FHIT: variants seen among roughly 807,000 people sequenced by gnomAD.
FHIT encodes bis(5'-adenosyl)-triphosphatase.
FHIT carries 19 observed loss-of-function variants against 17.9 expected under a neutral mutation model. That is an observed-to-expected ratio of 1.06 (90% CI 0.74 to 1.56). The LOEUF (loss-of-function observed/expected upper bound fraction) is 1.56, where lower values mean the gene tolerates loss of function less well. Ranked by LOEUF, FHIT falls within the 40% of genes most tolerant of loss-of-function variation. The probability of loss-of-function intolerance (pLI) is 0.00; values close to 1 mark genes in which losing one functional copy is unlikely to be tolerated. For synonymous variants in FHIT, 81 were observed against 69.7 expected, an observed-to-expected ratio of 1.16 and a Z score of -0.81; for missense variants, 248 against 189.2, an observed-to-expected ratio of 1.31 and a Z score of -1.82.
At chr3:59,849,676 G>A (rs1243674760) in intron 8 of FHIT, among the ~76,000 whole-genome samples, 6 of 152,190 alleles carry the variant, frequency 3.9e-5, no homozygotes, top group African/African-American at 9.7e-5. Flanking sequence ...TGTTTAGGAG[G>A]AAGGAGCTAG....
intron 5 of FHIT, among the ~76,000 whole-genome samples, chr3:60,480,200 A>G (rs1182421654): frequency 6.6e-6 from 1 of 152,164 alleles, no homozygotes. Context: ...AGACTTATCA[A>G]ATAACCACAT....
chr3:61,201,913 T>C (rs2039024980), intron 1 of FHIT, among the ~76,000 whole-genome samples: 1 of 152,098 alleles, frequency 6.6e-6, no homozygotes, highest in Non-Finnish European at 1.5e-5. Flanking sequence ...CTAAACAAAA[T>C]ACAATAATGA....
At chr3:60,218,024 G>A (rs921431643) in intron 5 of FHIT, among the ~76,000 whole-genome samples, 2 of 152,000 alleles carry the variant, frequency 1.3e-5, no homozygotes, top group Non-Finnish European at 2.9e-5. Context: ...GTTAATTCTT[G>A]TTTAAAAATG....
intron 5 of FHIT, among the ~76,000 whole-genome samples, chr3:60,045,257 G>A (rs1027613806): frequency 6.6e-6 from 1 of 152,056 alleles, no homozygotes; most frequent in Non-Finnish European, 1.5e-5. Context: ...GTATGATAAA[G>A]ACATACCTGA....
chr3:61,143,590 GCA>G (rs1195156498), intron 2 of FHIT, among the ~76,000 whole-genome samples: 51 of 152,322 alleles, frequency 3.3e-4, no homozygotes, highest in African/African-American at 1.2e-3. Flanking sequence ...TTCTGGCTGG[GCA>G]CAGTGGCTCA....
intron 7 of FHIT, among the ~76,000 whole-genome samples, chr3:59,932,648 A>T (rs1000356504): frequency 6.6e-6 from 1 of 152,084 alleles, no homozygotes; most frequent in African/African-American, 2.4e-5. Flanking sequence ...TTAAGAAAAC[A>T]GGTGTTGAGA....
intron 8 of FHIT, among the ~76,000 whole-genome samples, chr3:59,782,585 G>C (rs1702641444): frequency 2.0e-5 from 3 of 152,110 alleles, no homozygotes; most frequent in East Asian, 3.8e-4. Flanking sequence ...TAAGAGGAAG[G>C]GCTCATAGCT....
At chr3:60,894,914 TA>T (rs1261372811) in intron 3 of FHIT, among the ~76,000 whole-genome samples, 2 of 152,244 alleles carry the variant, frequency 1.3e-5, no homozygotes, top group East Asian at 3.9e-4. Context: ...GTGTGAACAT[TA>T]AAAGCTTCTA....
At chr3:59,753,658 G>T (rs1308705469) in intron 8 of FHIT, among the ~76,000 whole-genome samples, 1 of 151,986 alleles carries the variant, frequency 6.6e-6, no homozygotes, top group East Asian at 1.9e-4. Context: ...ACCAATGATA[G>T]CTAGCATTTA....
At chr3:61,038,242 G>C (rs1237922219) in intron 3 of FHIT, among the ~76,000 whole-genome samples, 1 of 152,116 alleles carries the variant, frequency 6.6e-6, no homozygotes, top group East Asian at 1.9e-4. Context: ...ACGTAGTAAA[G>C]ACACCCTCTG....
chr3:60,460,492 G>A (rs2107407783), intron 5 of FHIT, among the ~76,000 whole-genome samples: 1 of 151,858 alleles, frequency 6.6e-6, no homozygotes, highest in East Asian at 1.9e-4. Context: ...ATATTGCTAA[G>A]GATTTATATT....
At chr3:60,902,125 T>C (rs1706145840) in intron 3 of FHIT, among the ~76,000 whole-genome samples, 1 of 152,164 alleles carries the variant, frequency 6.6e-6, no homozygotes, top group Admixed American at 6.5e-5. Context: ...ATACAGAACA[T>C]TTCTATCATC....
chr3:59,965,457 T>C (rs1182436395), intron 7 of FHIT, among the ~76,000 whole-genome samples: 1 of 152,154 alleles, frequency 6.6e-6, no homozygotes. Flanking sequence ...CTTGTTGTTG[T>C]TGAGCAACTT....
intron 5 of FHIT, among the ~76,000 whole-genome samples, chr3:60,079,412 A>G (rs1260715211): frequency 6.6e-6 from 1 of 152,016 alleles, no homozygotes; most frequent in Non-Finnish European, 1.5e-5. Context: ...TCTTGAGAAG[A>G]GGGGTTATTT....
At chr3:60,909,409 G>T (rs1021311329) in intron 3 of FHIT, among the ~76,000 whole-genome samples, 8 of 151,916 alleles carry the variant, frequency 5.3e-5, no homozygotes, top group African/African-American at 1.7e-4. Flanking sequence ...TAAATGGATG[G>T]CAGCTGCCAT....
At chr3:60,058,524 C>T (rs1207804897) in intron 5 of FHIT, among the ~76,000 whole-genome samples, 3 of 152,170 alleles carry the variant, frequency 2.0e-5, no homozygotes, top group African/African-American at 7.2e-5. Context: ...CACTGAATGA[C>T]ACAGTTAGAA....
At chr3:60,930,542 A>C (rs2107362300) in intron 3 of FHIT, among the ~76,000 whole-genome samples, 1 of 152,322 alleles carries the variant, frequency 6.6e-6, no homozygotes, top group East Asian at 1.9e-4. Context: ...ACCCCATCAA[A>C]AAGTGGGTGA....
At chr3:59,987,118 TA>T (rs1445431348) in intron 7 of FHIT, among the ~76,000 whole-genome samples, 1 of 142,968 alleles carries the variant, frequency 7.0e-6, no homozygotes, top group African/African-American at 2.5e-5. Flanking sequence ...CTATATATTT[TA>T]TATAGATATA....
intron 3 of FHIT, chr3:60,856,719 G>C (rs1169008118): frequency 6.6e-6 from 1 of 152,142 alleles, no homozygotes; most frequent in Non-Finnish European, 1.5e-5. Flanking sequence ...CAATCCACAA[G>C]GCCTTCATTG....
Sources: allele counts gnomAD v4.1 joint callset (sites outside exome capture counted in the v4.1 genomes callset), GRCh38; gene constraint gnomAD v4.1.1; transcripts MANE v1.5; gene names NCBI Gene and HGNC (gene_info 2026-07-23, HGNC 2026-07-21).